CXADR: variants seen among roughly 807,000 people sequenced by gnomAD.
The protein encoded by CXADR is coxsackievirus and adenovirus receptor.
CXADR carries 20 observed loss-of-function variants against 40.3 expected under a neutral mutation model. The observed-to-expected ratio is 0.50, with a 90% CI of 0.35 to 0.72. The LOEUF (loss-of-function observed/expected upper bound fraction) is 0.72. CXADR is among the 30% of genes least tolerant of loss of function. CXADR has a pLI of 0.01. For missense variants in CXADR, 332 were observed against 449.1 expected (o/e 0.74, Z 2.36); for synonymous variants, 150 against 161.3 (o/e 0.93, Z 0.53).
chr21:17,606,478 T>C, the CXADR span, among the ~76,000 whole-genome samples: 1 of 152,188 alleles, frequency 6.6e-6, no homozygotes, highest in African/African-American at 2.4e-5. Flanking sequence ...TAGATTCTAA[T>C]ATTGTATAGG....
At position 17,551,834 on chromosome 21, in the gene CXADR, A is replaced by C; in HGVS notation, c.296A>C (p.Lys99Thr). The C allele has an allele frequency of 2.5e-6, 4 of 1,613,926 alleles. No individual in the cohort carries two copies. Among genetic ancestry groups the C allele is most frequent in the Non-Finnish European group, 3.4e-6 (4 of 1,179,846 alleles). ...GTACATTTTACGAGTAATGATCTCA[A>C]ATCTGGTGATGCATCAATAAATGTA... Reference protein sequence around the residue: ...GRVHFTSNDLKSGDASINVTN... With the variant: ...GRVHFTSNDLTSGDASINVTN... The change falls in exon 3 of 7, where the codon AAA becomes ACA. Residue 99 changes from lysine (K) to threonine (T), a missense_variant. Lys to Thr is a moderately conservative substitution (Grantham distance 78). This residue lies in a region of CXADR where 162 missense variants were observed against 198.5 expected (regional missense o/e 0.82). Transcript: ENST00000284878.
At chr21:17,606,608 A>G in the CXADR span, among the ~76,000 whole-genome samples, 1 of 152,126 alleles carries the variant, frequency 6.6e-6, no homozygotes, top group African/African-American at 2.4e-5. Context: ...AAGCTTACAA[A>G]TTATATATAA....
At chr21:17,543,699 C>A (rs1698647561) in intron 1 of CXADR, among the ~76,000 whole-genome samples, 1 of 152,112 alleles carries the variant, frequency 6.6e-6, no homozygotes, top group African/African-American at 2.4e-5. Flanking sequence ...CTCATTAATT[C>A]TTTTCTATTA....
chr21:17,555,091 A>G (rs1170302498), intron 3 of CXADR, among the ~76,000 whole-genome samples: 2 of 152,228 alleles, frequency 1.3e-5, no homozygotes, highest in African/African-American at 4.8e-5. Flanking sequence ...GGAAATGATA[A>G]CAAAGAGAGT....
At chr21:17,561,794 GA>G (rs930824803) in intron 6 of CXADR, among the ~76,000 whole-genome samples, 1 of 149,862 alleles carries the variant, frequency 6.7e-6, no homozygotes. Flanking sequence ...ATTGAGGTTT[GA>G]AAAAAAAACT....
intron 1 of CXADR, among the ~76,000 whole-genome samples, chr21:17,531,171 C>T (rs1015156949): frequency 6.6e-6 from 1 of 151,280 alleles, no homozygotes; most frequent in African/African-American, 2.4e-5. Context: ...GGTGGCAGGG[C>T]GCCTATAATC....
chr21:17,552,005 TCATAGTACTGTAGTAG>T, intron 3 of CXADR, 52 bp downstream of exon 3: 1 of 1,366,294 alleles, frequency 7.3e-7, no homozygotes, highest in South Asian at 1.2e-5. Context: ...GAATGATTAG[TCATAGTACTGTAGTAG>T]CAGCACTTGT....
chr21:17,525,555 A>G (rs2060588548), intron 1 of CXADR, among the ~76,000 whole-genome samples: 1 of 152,208 alleles, frequency 6.6e-6, no homozygotes. Context: ...TGAATACTGG[A>G]CAGTTCCCAT....
In CXADR at chr21:17,565,580, C is replaced by T. The variant is rs1201872850; in HGVS notation, c.986C>T (p.Thr329Ile). Residue 329 changes from threonine (T) to isoleucine (I), a missense_variant, in exon 7 of 7, where the codon ACT becomes ATT. By Grantham distance (89) the Thr-to-Ile change is moderately conservative. Around this residue, in one of 3 missense-constraint regions of CXADR, gnomAD observed 150 missense variants for 194.2 expected, o/e 0.77. Transcript: ENST00000284878. ...NQVPSEDFER[T>I]PQSPTLPPAK... ...GTACCAAGTGAAGACTTTGAACGCA[C>T]TCCTCAGAGTCCGACTCTCCCACCT... is the stretch of plus-strand genomic sequence containing the variant. The T allele has an allele frequency of 3.1e-6, 5 of 1,613,562 alleles. No individual in the cohort carries two copies. The Admixed American group carries it at 5.0e-5, about 16-fold the overall frequency.
rs1442763241 is a variant in CXADR, at chr21:17,560,820, C to G, written c.690C>G (p.Val230=). Residue 230 remains valine, a synonymous_variant, in exon 5 of 7, where the codon GTC becomes GTG. Coordinates refer to ENST00000284878, the MANE Select transcript of CXADR (RefSeq NM_001338.5). ...SDQCLLRLNV[V]PPSNKAGLIA... ...AGTGCCTGTTGCGTCTAAACGTTGTCCCTCGTAAGTTATCTTCTTTCTGTT... is the reference window on the plus strand; with the variant it reads ...AGTGCCTGTTGCGTCTAAACGTTGTGCCTCGTAAGTTATCTTCTTTCTGTT... 1 of 1,612,978 alleles carries G rather than the reference C, an allele frequency of 6.2e-7. No homozygotes were observed. Among genetic ancestry groups the G allele is most frequent in the African/African-American group, 1.3e-5 (1 of 74,876 alleles).
intron 3 of CXADR, among the ~76,000 whole-genome samples, chr21:17,555,595 T>C (rs1333508887): frequency 6.6e-6 from 1 of 152,170 alleles, no homozygotes; most frequent in Non-Finnish European, 1.5e-5. Flanking sequence ...GTACTAGGAT[T>C]GCATCTAGAA....
the CXADR span, among the ~76,000 whole-genome samples, chr21:17,608,214 T>C: frequency 1.3e-5 from 2 of 152,150 alleles, no homozygotes. Flanking sequence ...AAAAAAAATT[T>C]GTTTTTAAAT....
chr21:17,602,558 AT>A, the CXADR span, among the ~76,000 whole-genome samples: 1 of 152,202 alleles, frequency 6.6e-6, no homozygotes, highest in African/African-American at 2.4e-5. Flanking sequence ...TAAACGATTA[AT>A]ACGTCTTTCT....
the CXADR span, among the ~76,000 whole-genome samples, chr21:17,609,630 C>T: frequency 6.6e-6 from 1 of 152,338 alleles, no homozygotes; most frequent in East Asian, 1.9e-4. Flanking sequence ...AGGTTAAACA[C>T]AGAGTTATCA....
chr21:17,583,228 G>A (rs1040691566), intron 7 of CXADR, among the ~76,000 whole-genome samples: 4 of 152,192 alleles, frequency 2.6e-5, no homozygotes, highest in African/African-American at 4.8e-5. Context: ...TGATAAAGAT[G>A]TGCTATATAG....
chr21:17,513,261 A>C (rs1269875424), intron 1 of CXADR, 89 bp downstream of exon 1: 1 of 1,181,170 alleles, frequency 8.5e-7, no homozygotes, highest in African/African-American at 1.6e-5. Context: ...GGCGTGGGGG[A>C]GGGGGCGGGC....
At chr21:17,593,940 G>C (rs578146672), downstream of CXADR, 7 of 984,564 alleles carry the variant, frequency 7.1e-6, no homozygotes, top group Admixed American at 2.4e-4. Context: ...TATTTTTTAA[G>C]AAAGATTATT....
At chr21:17,574,974 A>G (rs2061308380), downstream of CXADR, among the ~76,000 whole-genome samples, 4 of 70,000 alleles carry the variant, frequency 5.7e-5, no homozygotes. Context: ...AATATGGAAT[A>G]TATATATATT....
chr21:17,598,782 T>C, the CXADR span: 5 of 1,614,182 alleles, frequency 3.1e-6, no homozygotes, highest in Non-Finnish European at 3.4e-6. Context: ...CATCTTTATT[T>C]TCAAAGCTGG....
Sources: allele counts gnomAD v4.1 joint callset (sites outside exome capture counted in the v4.1 genomes callset), GRCh38; gene constraint gnomAD v4.1.1; regional missense constraint gnomAD v4.1.1; transcripts MANE v1.5; gene names NCBI Gene and HGNC (gene_info 2026-07-23, HGNC 2026-07-21).